The following FAM222A variants were observed in gnomAD, a reference collection of about 807,000 sequenced individuals.
FAM222A encodes the protein protein FAM222A.
A neutral mutation model predicts 25.8 loss-of-function variants in FAM222A; 7 were observed. The ratio of observed to expected loss-of-function variants is 0.27; its 90% CI spans 0.15 to 0.51. The LOEUF (loss-of-function observed/expected upper bound fraction) is 0.51, where lower values mean the gene tolerates loss of function less well. FAM222A is among the 20% of genes least tolerant of loss of function. FAM222A has a pLI of 0.97. For missense variants in FAM222A, 573 were observed against 640.5 expected, an observed-to-expected ratio of 0.89 and a Z score of 1.14; for synonymous variants, 294 against 298.8, an observed-to-expected ratio of 0.98 and a Z score of 0.17.
At chr12:109,741,163 C>A (rs1366460003) in intron 1 of FAM222A, among the ~76,000 whole-genome samples, 1 of 152,224 alleles carries the variant, frequency 6.6e-6, no homozygotes, top group Middle Eastern at 3.4e-3. Flanking sequence ...CCCCTCCCCA[C>A]TTCCCTCCTA....
At chr12:109,758,607 G>A (rs1888801202) in intron 2 of FAM222A, among the ~76,000 whole-genome samples, 1 of 152,116 alleles carries the variant, frequency 6.6e-6, no homozygotes, top group Non-Finnish European at 1.5e-5. Context: ...ATAAAGGCTG[G>A]AGAACAGCTG....
intron 2 of FAM222A, among the ~76,000 whole-genome samples, chr12:109,759,085 G>A (rs2136374780): frequency 6.6e-6 from 1 of 152,320 alleles, no homozygotes; most frequent in East Asian, 1.9e-4. Flanking sequence ...GCCCAGTGAA[G>A]CAGTAGGAAC....
rs1273834322 is a variant in FAM222A at position 109,768,267 on chromosome 12, C to T, written c.338C>T (p.Ser113Phe). The T allele has an allele frequency of 3.1e-6, 5 of 1,607,408 alleles. No individual in the cohort carries two copies. The highest frequency in any genetic ancestry group is 1.1e-5 in the South Asian group (1 of 90,234). The change falls in exon 3 of 3, where the codon TCC becomes TTC. Residue 113 changes from serine to phenylalanine, a missense_variant. This residue lies in a region of FAM222A where 412 missense variants were observed against 407.0 expected (regional missense o/e 1.01). Coordinates refer to ENST00000538780, the MANE Select transcript of FAM222A (RefSeq NM_032829.3). Reference protein sequence around the residue: ...LAIVKAAVSSSSTAAPAGPAK... With the variant: ...LAIVKAAVSSFSTAAPAGPAK... ...ATTGTCAAGGCCGCGGTTTCCTCCT[C>T]CAGCACGGCCGCACCAGCTGGGCCC...
chr12:109,727,647 C>T (rs1887867964), intron 1 of FAM222A, among the ~76,000 whole-genome samples: 3 of 152,182 alleles, frequency 2.0e-5, no homozygotes, highest in Admixed American at 2.0e-4. Flanking sequence ...CAACTTGCCA[C>T]GCTGGCACGT....
At chr12:109,745,066 C>T (rs1888359259) in intron 2 of FAM222A, among the ~76,000 whole-genome samples, 1 of 152,084 alleles carries the variant, frequency 6.6e-6, no homozygotes, top group African/African-American at 2.4e-5. Context: ...GGAACATATT[C>T]ATGTTATGCA....
intron 1 of FAM222A, among the ~76,000 whole-genome samples, chr12:109,730,285 G>A (rs374076737): frequency 5.9e-5 from 9 of 152,074 alleles, no homozygotes; most frequent in East Asian, 3.8e-4. Flanking sequence ...TGGGCATGTG[G>A]CTTTGCTTCT....
chr12:109,728,329 C>G (rs1482194214), intron 1 of FAM222A, among the ~76,000 whole-genome samples: 3 of 144,682 alleles, frequency 2.1e-5, no homozygotes, highest in African/African-American at 8.4e-5. Flanking sequence ...TCAGGGGTCC[C>G]AGGGTCCCAG....
At chr12:109,751,120 C>A (rs907525993) in intron 2 of FAM222A, among the ~76,000 whole-genome samples, 4 of 152,080 alleles carry the variant, frequency 2.6e-5, no homozygotes, top group African/African-American at 9.7e-5. Flanking sequence ...TCTGATTAGA[C>A]CTTTCTGACT....
intron 2 of FAM222A, among the ~76,000 whole-genome samples, chr12:109,750,553 G>A (rs1247145965): frequency 6.6e-6 from 1 of 152,024 alleles, no homozygotes; most frequent in Non-Finnish European, 1.5e-5. Flanking sequence ...TGCTATTAGT[G>A]TATTCTCAGG....
rs1491239002 is a variant in FAM222A, at chr12:109,714,193, T to TCGCCCGCTGCCGCCGCCGCCGCCGCTGC, written c.-746_-719dup. The TCGCCCGCTGCCGCCGCCGCCGCCGCTGC allele has an allele frequency of 9.6e-6, 2 of 208,798 alleles. No homozygotes were observed. Among genetic ancestry groups the TCGCCCGCTGCCGCCGCCGCCGCCGCTGC allele is most frequent in the Non-Finnish European group, 1.9e-5 (2 of 104,428 alleles). 12.9% of individuals were successfully genotyped at this position (208,798 alleles called of 1,614,324 possible). On this transcript the variant is annotated 5_prime_UTR_variant, in exon 1 of 3. Transcript: ENST00000538780. This position sits in a 1 kb window ranked among gnomAD's most constrained non-coding sequence, Gnocchi z 4.2. ...CCCCGAGGCTGCATCCGAGCTTGCGTCGCCCGCTGCCGCCGCCGCCGCCGC... is the reference window on the plus strand; with the variant it reads ...CCCCGAGGCTGCATCCGAGCTTGCGTCGCCCGCTGCCGCCGCCGCCGCCGCTGCCGCCCGCTGCCGCCGCCGCCGCCGC...
At chr12:109,718,519 G>C (rs1159149847) in intron 1 of FAM222A, among the ~76,000 whole-genome samples, 1 of 151,934 alleles carries the variant, frequency 6.6e-6, no homozygotes, top group African/African-American at 2.4e-5. Context: ...AGAACGAGGA[G>C]GCGCGCACAA....
chr12:109,767,943 T>C lies in FAM222A; in HGVS notation c.83-69T>C. On this transcript the variant is annotated intron_variant, in intron 2 of 2. Transcript: ENST00000538780. ...GGGAAATGAGTGGAGGGGGCGGGACTCGTGAGCCCTGTGGGGAGAGGTTGG... is the reference window on the plus strand; with the variant it reads ...GGGAAATGAGTGGAGGGGGCGGGACCCGTGAGCCCTGTGGGGAGAGGTTGG... 5 of 1,472,654 alleles carry C rather than the reference T, an allele frequency of 3.4e-6. No homozygotes were observed. In the South Asian group the frequency reaches 6.3e-5, roughly 19 times the overall value. The allele number at this position is 1,472,654 out of a possible 1,614,324, so 91.2% of individuals were successfully genotyped here. A position where few individuals can be genotyped will look rare whatever the true frequency, so the allele number is the denominator to read the frequency against.
In FAM222A at chr12:109,768,256, G is replaced by C; in HGVS notation, c.327G>C (p.Ala109=). 6.2e-7 allele frequency: 1 copy of C among 1,609,084 alleles called. No individual in the cohort carries two copies. Among genetic ancestry groups the C allele is most frequent in the Non-Finnish European group, 8.5e-7 (1 of 1,178,392 alleles). The change falls in exon 3 of 3, where the codon GCG becomes GCC. Residue 109 remains alanine (A), a synonymous_variant. Coordinates refer to ENST00000538780, the MANE Select transcript of FAM222A (RefSeq NM_032829.3). ...YQGLLAIVKA[A]VSSSSTAAPA... is the part of the protein sequence containing the mutation. The stretch of plus-strand genomic sequence containing the variant: ...GCCTTCTGGCCATTGTCAAGGCCGC[G>C]GTTTCCTCCTCCAGCACGGCCGCAC...
intron 1 of FAM222A, among the ~76,000 whole-genome samples, chr12:109,738,998 C>T (rs1888159403): frequency 6.6e-6 from 1 of 152,214 alleles, no homozygotes; most frequent in Non-Finnish European, 1.5e-5. Flanking sequence ...CTGAACTAGT[C>T]CTGTTGGACA....
At chr12:109,728,322 GGGGTCCCA>G (rs113289915) in intron 1 of FAM222A, among the ~76,000 whole-genome samples, 3,855 of 152,208 alleles carry the variant, frequency 0.025, 127 homozygotes, top group African/African-American at 0.07. Context: ...TGACTCGTCA[GGGGTCCCA>G]GGGTCCCAGG....
rs1045434040 is a variant in FAM222A, at chr12:109,768,986, C to A, written c.1057C>A (p.Leu353Met). 1.9e-6 allele frequency: 3 copies of A among 1,573,700 alleles called. No individual in the cohort carries two copies. In the African/African-American group the frequency reaches 4.0e-5, roughly 21 times the overall value. The change falls in exon 3 of 3, where the codon CTG (leucine) becomes ATG (methionine). Residue 353 changes from leucine (L) to methionine (M), a missense_variant. Physicochemically the swap from Leu to Met is conservative, Grantham distance 15 (BLOSUM62 2). This residue lies in a region of FAM222A where 412 missense variants were observed against 407.0 expected (regional missense o/e 1.01). Transcript: ENST00000538780. ...CTTTGCGGCCCCGTGGAACAGTGTG[C>A]TGGTGACACCCACCAGCGACTGCTA... ...QYFAAPWNSV[L>M]VTPTSDCYNP...
At chr12:109,738,970 T>G (rs1442496674) in intron 1 of FAM222A, among the ~76,000 whole-genome samples, 1 of 152,178 alleles carries the variant, frequency 6.6e-6, no homozygotes, top group Non-Finnish European at 1.5e-5. Flanking sequence ...CAGAGGCCTC[T>G]GGGGCCAGCT....
chr12:109,728,121 C>T (rs1476078373), intron 1 of FAM222A, among the ~76,000 whole-genome samples: 1 of 152,194 alleles, frequency 6.6e-6, no homozygotes, highest in Non-Finnish European at 1.5e-5. Flanking sequence ...TCGGGCCACA[C>T]AAGCATAGGC....
intron 2 of FAM222A, among the ~76,000 whole-genome samples, chr12:109,753,008 C>T (rs1365585118): frequency 6.6e-6 from 1 of 152,218 alleles, no homozygotes; most frequent in Admixed American, 6.5e-5. Context: ...CCTGGGCCAG[C>T]AGCCTGTGGG....
Sources: allele counts gnomAD v4.1 joint callset (sites outside exome capture counted in the v4.1 genomes callset), GRCh38; gene constraint gnomAD v4.1.1; regional missense constraint gnomAD v4.1.1; non-coding constraint Gnocchi (gnomAD v3.1); transcripts MANE v1.5; gene names NCBI Gene and HGNC (gene_info 2026-07-23, HGNC 2026-07-21).